The following FIBCD1 variants were observed in gnomAD, a reference collection of about 807,000 sequenced individuals.
FIBCD1 encodes the protein fibrinogen C domain-containing protein 1.
A neutral mutation model predicts 45.1 loss-of-function variants in FIBCD1; 47 were observed. That is an observed-to-expected ratio of 1.04 (90% CI 0.82 to 1.33). The LOEUF (loss-of-function observed/expected upper bound fraction) is 1.33. Ranked by LOEUF, FIBCD1 falls within the 40% of genes most tolerant of loss-of-function variation. FIBCD1 has a pLI of 0.00. For synonymous variants in FIBCD1, 313 were observed against 308.1 expected, an observed-to-expected ratio of 1.02 and a Z score of -0.17; for missense variants, 653 against 682.2, an observed-to-expected ratio of 0.96 and a Z score of 0.48.
At chr9:130,925,367 T>C (rs1832341412) in intron 2 of FIBCD1, among the ~76,000 whole-genome samples, 1 of 152,050 alleles carries the variant, frequency 6.6e-6, no homozygotes, top group Non-Finnish European at 1.5e-5. Context: ...CGGGGCTGTG[T>C]TCTTGTGTAG....
At chr9:130,930,090 G>T in intron 1 of FIBCD1, 44 bp from the exon 2 acceptor site, 1 of 1,477,794 alleles carries the variant, frequency 6.8e-7, no homozygotes, top group East Asian at 2.3e-5. Context: ...AGACAGACGG[G>T]AGAGAGAAGG....
At chr9:130,923,406 G>A (rs1370789276) in intron 4 of FIBCD1, among the ~76,000 whole-genome samples, 1 of 152,154 alleles carries the variant, frequency 6.6e-6, no homozygotes, top group Non-Finnish European at 1.5e-5. Context: ...TGGAACCCAC[G>A]TTAGCAACAG....
At chr9:130,935,905 C>T (rs7859440) in intron 1 of FIBCD1, among the ~76,000 whole-genome samples, 5,807 of 152,226 alleles carry the variant, frequency 0.038, 358 homozygotes, top group African/African-American at 0.13. Context: ...GCGGCGTCAG[C>T]GTTATGCTCC....
chr9:130,930,144 TG>T, intron 1 of FIBCD1, 98 bp from the exon 2 acceptor site: 1 of 1,399,052 alleles, frequency 7.1e-7, no homozygotes, highest in Non-Finnish European at 9.4e-7. Context: ...ACCCCCTTCT[TG>T]GGGGGCTGGG....
Position 130,929,903 on chromosome 9 carries a change from A to C in FIBCD1, c.216T>G (p.Ala72=). ...TAPPPVVSTG[A]ASANSALVTV... ...TGACCAGGGCGCTGTTGGCGCTGGC[A>C]GCCCCAGTGCTGACGACAGGTGGGG... The change falls in exon 2 of 7, where the codon GCT becomes GCG. Residue 72 remains alanine (A), a synonymous_variant. Transcript: ENST00000372338. 1 of 1,549,490 alleles carries C rather than the reference A, an allele frequency of 6.5e-7. No individual in the cohort carries two copies. The highest frequency in any genetic ancestry group is 8.7e-7 in the Non-Finnish European group (1 of 1,146,554).
At chr9:130,931,607 G>T (rs2133121259) in intron 1 of FIBCD1, among the ~76,000 whole-genome samples, 1 of 152,384 alleles carries the variant, frequency 6.6e-6, no homozygotes, top group South Asian at 2.1e-4. Flanking sequence ...GGAACAGCTT[G>T]TGGTGAGCGG....
intron 1 of FIBCD1, among the ~76,000 whole-genome samples, chr9:130,932,888 C>A (rs958212777): frequency 6.6e-6 from 1 of 152,216 alleles, no homozygotes. Flanking sequence ...TGGAGCCCGT[C>A]GGGAGACACC....
At chr9:130,904,517 A>G (rs1379740231) in intron 6 of FIBCD1, among the ~76,000 whole-genome samples, 194 bp from the exon 7 acceptor site, 1 of 152,078 alleles carries the variant, frequency 6.6e-6, no homozygotes, top group African/African-American at 2.4e-5. Context: ...GTGTCCATGC[A>G]GCTCACACGC....
At chr9:130,923,616 G>C (rs1832299617) in intron 4 of FIBCD1, 128 bp downstream of exon 4, 1 of 1,399,204 alleles carries the variant, frequency 7.1e-7, no homozygotes, top group Non-Finnish European at 9.6e-7. Context: ...AGGGCACCAG[G>C]GCAGGGCCAG....
intron 4 of FIBCD1, among the ~76,000 whole-genome samples, chr9:130,918,988 C>G (rs926039426): frequency 9.9e-5 from 15 of 152,208 alleles, no homozygotes; most frequent in African/African-American, 3.6e-4. Context: ...AGAAGGAAAT[C>G]GGACCCACTC....
chr9:130,923,565 C>G (rs1020680112), intron 4 of FIBCD1, among the ~76,000 whole-genome samples, 179 bp downstream of exon 4: 6 of 152,324 alleles, frequency 3.9e-5, no homozygotes, highest in Middle Eastern at 3.4e-3. Flanking sequence ...ACAGAGTCCC[C>G]TGTTCCCCTC....
At chr9:130,914,470 G>A (rs985640196) in intron 4 of FIBCD1, among the ~76,000 whole-genome samples, 1 of 152,240 alleles carries the variant, frequency 6.6e-6, no homozygotes, top group African/African-American at 2.4e-5. Context: ...CCTGGAGGAG[G>A]GGCAGGGTCC....
At chr9:130,923,627 T>C (rs1832299776) in intron 4 of FIBCD1, 117 bp downstream of exon 4, 1 of 1,448,704 alleles carries the variant, frequency 6.9e-7, no homozygotes, top group Admixed American at 2.0e-5. Flanking sequence ...GCAGGGCCAG[T>C]CCACAGATCC....
At chr9:130,915,134 A>C (rs3847195) in intron 4 of FIBCD1, among the ~76,000 whole-genome samples, 78,017 of 152,124 alleles carry the variant, frequency 0.51, 21,467 homozygotes, top group African/African-American at 0.71. Flanking sequence ...ACTGACCAGG[A>C]TGGCTGTAGC....
rs578018351 is a variant in FIBCD1 at position 130,922,900 on chromosome 9, C to A, written c.849+844G>T. 7.9e-4 allele frequency among the ~76,000 whole-genome samples: 120 copies of A among 152,274 alleles called. No individual in the cohort carries two copies. The highest frequency in any genetic ancestry group is 2.5e-3 in the African/African-American group (104 of 41,542). On this transcript the variant is annotated intron_variant, in intron 4 of 6. Transcript: ENST00000372338. The surrounding 1 kb of genome is among the most constrained non-coding windows in gnomAD (Gnocchi z 4.5). ...TTCCTGCCCGCACTCAGAAATCCTCCCTGCTTTAATGGCTCATGAGAAATG... is the reference window on the plus strand; with the variant it reads ...TTCCTGCCCGCACTCAGAAATCCTCACTGCTTTAATGGCTCATGAGAAATG...
In FIBCD1 at chr9:130,936,044, G is replaced by A. The variant is rs563375970; in HGVS notation, c.72+2492C>T. On this transcript the variant is annotated intron_variant, in intron 1 of 6. Transcript: ENST00000372338. ...CAGCCTGTGGAAGGGACAGGCTGCT[G>A]CGAGAGGCATCCTCCTCATGAGTAC... Among the ~76,000 whole-genome samples, 38 of 152,328 alleles carry A rather than the reference G, an allele frequency of 2.5e-4. 1 individual carries two copies. The South Asian group carries it at 7.7e-3, about 31-fold the overall frequency.
At chr9:130,910,217 A>G (rs1429823714) in intron 5 of FIBCD1, among the ~76,000 whole-genome samples, 1 of 143,764 alleles carries the variant, frequency 7.0e-6, no homozygotes, top group East Asian at 2.2e-4. Context: ...CACTCAGAGC[A>G]GCCGACCAGC....
Position 130,902,506 on chromosome 9 carries a change from C to G in FIBCD1, c.*1558G>C, listed in dbSNP as rs1831853563. The G allele has an allele frequency of 6.6e-6, 1 of 152,290 alleles. No individual in the cohort carries two copies. Among genetic ancestry groups the G allele is most frequent in the Non-Finnish European group, 1.5e-5 (1 of 68,072 alleles). 9.4% of individuals were successfully genotyped at this position (152,290 alleles called of 1,614,324 possible). On this transcript the variant is annotated 3_prime_UTR_variant, in exon 7 of 7. Transcript: ENST00000372338. ...GGTCACACGGCCTCTCCCACCAACC[C>G]CCAGTGGTGCCAAGTCAAATTTATT...
At chr9:130,928,260 G>A (rs984280902) in intron 2 of FIBCD1, among the ~76,000 whole-genome samples, 1 of 152,218 alleles carries the variant, frequency 6.6e-6, no homozygotes, top group African/African-American at 2.4e-5. Context: ...GTACCTCTGC[G>A]CAGGCTATTG....
Sources: allele counts gnomAD v4.1 joint callset (sites outside exome capture counted in the v4.1 genomes callset), GRCh38; gene constraint gnomAD v4.1.1; non-coding constraint Gnocchi (gnomAD v3.1); transcripts MANE v1.5; gene names NCBI Gene and HGNC (gene_info 2026-07-23, HGNC 2026-07-21).